RABGAP1L: variants seen among roughly 807,000 people sequenced by gnomAD.
RABGAP1L encodes RAB GTPase activating protein 1 like.
Under a neutral mutation model 137.7 loss-of-function variants are expected in RABGAP1L, and 63 were observed. That is an observed-to-expected ratio of 0.46 (90% CI 0.37 to 0.56). The LOEUF is 0.56. RABGAP1L is among the 20% of genes least tolerant of loss of function. RABGAP1L has a pLI of 0.00. For synonymous variants in RABGAP1L, 431 were observed against 433.7 expected (o/e 0.99, Z 0.08); for missense variants, 1,095 against 1,244.0 (o/e 0.88, Z 1.80).
In RABGAP1L at chr1:174,481,134, A is replaced by T. The variant is rs572517260; in HGVS notation, c.1710+86989A>T. 1.8e-4 allele frequency among the ~76,000 whole-genome samples: 28 copies of T among 152,308 alleles called. No individual in the cohort carries two copies. In the East Asian group the frequency reaches 5.4e-3, roughly 29 times the overall value. ...TTTTACTTTATTTAACTACCAATTT[A>T]TCAAAACAGTCATTTACACTTGACG... On this transcript the variant is annotated intron_variant, in intron 13 of 25. Coordinates refer to ENST00000681986, the MANE Select transcript of RABGAP1L (RefSeq NM_001366446.1).
intron 11 of RABGAP1L, among the ~76,000 whole-genome samples, chr1:174,306,950 C>G (rs1678323343): frequency 6.6e-6 from 1 of 152,042 alleles, no homozygotes; most frequent in South Asian, 2.1e-4. Context: ...AGTCTTGCTT[C>G]TGTATGAAAC....
At chr1:174,253,285 T>C (rs532385383) in intron 7 of RABGAP1L, among the ~76,000 whole-genome samples, 35 of 152,164 alleles carry the variant, frequency 2.3e-4, no homozygotes, top group African/African-American at 7.9e-4. Flanking sequence ...CCTTAAGATA[T>C]CAGATTGCAA....
At chr1:174,557,941 C>T (rs1666983081) in intron 13 of RABGAP1L, among the ~76,000 whole-genome samples, 1 of 152,240 alleles carries the variant, frequency 6.6e-6, no homozygotes, top group Non-Finnish European at 1.5e-5. Flanking sequence ...CACCTGAGCA[C>T]TCTTCTTCAG....
chr1:174,278,998 T>A (rs1046638829), intron 10 of RABGAP1L, among the ~76,000 whole-genome samples: 1 of 152,198 alleles, frequency 6.6e-6, no homozygotes, highest in African/African-American at 2.4e-5. Context: ...ACTTTTTCCC[T>A]AGAAACCTGT....
intron 7 of RABGAP1L, among the ~76,000 whole-genome samples, chr1:174,268,064 AGACT>A (rs1398748142): frequency 2.0e-5 from 3 of 152,188 alleles, no homozygotes; most frequent in East Asian, 1.9e-4. Context: ...CCCTTTGGGG[AGACT>A]GACTGAGATT....
At chr1:174,939,984 T>C (rs935561190) in intron 19 of RABGAP1L, among the ~76,000 whole-genome samples, 2 of 152,248 alleles carry the variant, frequency 1.3e-5, no homozygotes, top group African/African-American at 4.8e-5. Flanking sequence ...TATTCAGCTT[T>C]ATGTTAGGTT....
At chr1:174,763,104 C>T (rs1263348271) in intron 18 of RABGAP1L, among the ~76,000 whole-genome samples, 4 of 151,896 alleles carry the variant, frequency 2.6e-5, no homozygotes, top group South Asian at 2.1e-4. Context: ...CATGAGCCAC[C>T]GTGCCTGGCC....
chr1:174,259,257 C>A (rs1384909199), intron 7 of RABGAP1L, among the ~76,000 whole-genome samples: 1 of 152,178 alleles, frequency 6.6e-6, no homozygotes, highest in Non-Finnish European at 1.5e-5. Context: ...GAATCCCCAG[C>A]ATCTACTATA....
chr1:174,546,890 C>A (rs373790207), intron 13 of RABGAP1L, among the ~76,000 whole-genome samples: 49 of 151,282 alleles, frequency 3.2e-4, no homozygotes, highest in Non-Finnish European at 6.3e-4. Flanking sequence ...ATTAGCCGGG[C>A]GTGGTGGCGG....
intron 11 of RABGAP1L, among the ~76,000 whole-genome samples, chr1:174,355,518 A>G (rs1683557300): frequency 6.6e-6 from 1 of 151,496 alleles, no homozygotes; most frequent in East Asian, 1.9e-4. Flanking sequence ...ATGCTAAATG[A>G]CGAATTAATG....
chr1:174,169,715 G>A (rs1392946259), intron 1 of RABGAP1L, among the ~76,000 whole-genome samples: 1 of 148,796 alleles, frequency 6.7e-6, no homozygotes, highest in Non-Finnish European at 1.5e-5. Flanking sequence ...TTGGAGACAG[G>A]GTATCTCTCT....
chr1:174,492,884 A>G (rs1660397820), intron 13 of RABGAP1L, among the ~76,000 whole-genome samples: 1 of 151,836 alleles, frequency 6.6e-6, no homozygotes, highest in East Asian at 1.9e-4. Flanking sequence ...TTCCATATGT[A>G]TAAGCAGGTA....
At chr1:174,964,980 G>C (rs1166290579) in intron 20 of RABGAP1L, 2 of 1,491,512 alleles carry the variant, frequency 1.3e-6, no homozygotes, top group Non-Finnish European at 1.8e-6. Context: ...TATGACTTTT[G>C]AGGAGGTAAG....
At position 174,176,741 on chromosome 1, in the gene RABGAP1L, A is replaced by AATAAAAT. The variant is rs1553248316; in HGVS notation, c.-34+17085_-34+17086insTAAAATA. 2.3e-3 allele frequency among the ~76,000 whole-genome samples: 262 copies of AATAAAAT among 111,786 alleles called. 14 individuals are homozygous for AATAAAAT. The highest frequency in any genetic ancestry group is 8.2e-3 in the African/African-American group (230 of 28,026). 73.3% of individuals were successfully genotyped at this position (111,786 alleles called of 152,430 possible). A position where few individuals can be genotyped will look rare whatever the true frequency, so the allele number is the denominator to read the frequency against. On this transcript the variant is annotated intron_variant, in intron 1 of 25. Transcript: ENST00000681986. ...AAAAAAAAAAAAAAAAAAAAAAAAA[A>AATAAAAT]AAAAAGGTCAACATTTGTTAATACT... is the stretch of plus-strand genomic sequence containing the variant.
chr1:174,963,005 A>G (rs1475093949), intron 20 of RABGAP1L, among the ~76,000 whole-genome samples: 1 of 152,130 alleles, frequency 6.6e-6, no homozygotes, highest in Non-Finnish European at 1.5e-5. Flanking sequence ...AGGCTGAGGC[A>G]GGAGAACCTC....
intron 13 of RABGAP1L, among the ~76,000 whole-genome samples, chr1:174,452,978 G>T (rs1571879073): frequency 6.6e-6 from 1 of 152,084 alleles, no homozygotes; most frequent in South Asian, 2.1e-4. Flanking sequence ...TTCTAAGATA[G>T]CATTTCTTTT....
At position 174,241,467 on chromosome 1, in the gene RABGAP1L, C is replaced by A. The variant is rs766305523; in HGVS notation, c.543-16C>A. 1.6e-5 allele frequency: 23 copies of A among 1,448,658 alleles called. No individual in the cohort carries two copies. The highest frequency in any genetic ancestry group is 2.4e-5 in the Admixed American group (1 of 41,412). The allele number at this position is 1,448,658 out of a possible 1,614,324, so 89.7% of individuals were successfully genotyped here. A position where few individuals can be genotyped will look rare whatever the true frequency, so the allele number is the denominator to read the frequency against. On this transcript the variant is annotated splice_polypyrimidine_tract_variant and intron_variant, in intron 4 of 25. Coordinates refer to ENST00000681986, the MANE Select transcript of RABGAP1L (RefSeq NM_001366446.1). ...AGAATTAATATTTTATCTAACTTTT[C>A]ATTACTGTTCTACAGAATTATAGAC...
chr1:174,697,384 C>T (rs1283039199), intron 15 of RABGAP1L, among the ~76,000 whole-genome samples: 1 of 151,660 alleles, frequency 6.6e-6, no homozygotes, highest in Non-Finnish European at 1.5e-5. Context: ...TGCAGTGGTG[C>T]GATCTCAGCT....
intron 18 of RABGAP1L, among the ~76,000 whole-genome samples, chr1:174,789,687 G>C (rs868503911): frequency 2.0e-5 from 3 of 152,050 alleles, no homozygotes; most frequent in African/African-American, 7.2e-5. Flanking sequence ...ATGTGTCAAG[G>C]GGTCACTGTG....
Sources: allele counts gnomAD v4.1 joint callset (sites outside exome capture counted in the v4.1 genomes callset), GRCh38; gene constraint gnomAD v4.1.1; transcripts MANE v1.5; gene names NCBI Gene and HGNC (gene_info 2026-07-23, HGNC 2026-07-21).